Variants in INPP4B observed in about 807,000 individuals in gnomAD.
INPP4B encodes inositol polyphosphate 4-phosphatase type II.
A neutral mutation model predicts 122.5 loss-of-function variants in INPP4B; 55 were observed. That is an observed-to-expected ratio of 0.45 (90% CI 0.36 to 0.56). The LOEUF is 0.56. Ranked by LOEUF, INPP4B falls within the 20% of genes least tolerant of loss-of-function variation. The pLI is 0.00. For missense variants in INPP4B, 1,000 were observed against 1,097.7 expected (o/e 0.91, Z 1.26); for synonymous variants, 403 against 388.7 (o/e 1.04, Z -0.43).
intron 24 of INPP4B, among the ~76,000 whole-genome samples, chr4:142,084,098 A>G (rs1775505233): frequency 1.3e-5 from 2 of 152,122 alleles, no homozygotes; most frequent in Admixed American, 1.3e-4. Flanking sequence ...CTTAAAGAAG[A>G]AAAAAACAAA....
At chr4:142,070,547 T>G (rs1176450755) in intron 25 of INPP4B, among the ~76,000 whole-genome samples, 2 of 152,106 alleles carry the variant, frequency 1.3e-5, no homozygotes, top group East Asian at 1.9e-4. Context: ...AAGTCAAATT[T>G]CCCCTGTTTG....
chr4:142,154,265 T>C (rs1815991425), intron 17 of INPP4B, among the ~76,000 whole-genome samples: 1 of 152,138 alleles, frequency 6.6e-6, no homozygotes, highest in African/African-American at 2.4e-5. Flanking sequence ...CAATTTATAT[T>C]TGCTGGGAAA....
At chr4:142,817,513 T>C (rs1780251582) in intron 1 of INPP4B, among the ~76,000 whole-genome samples, 1 of 152,106 alleles carries the variant, frequency 6.6e-6, no homozygotes, top group Non-Finnish European at 1.5e-5. Context: ...TCTCACACTT[T>C]TAATGGATCC....
intron 1 of INPP4B, among the ~76,000 whole-genome samples, chr4:142,844,905 T>C (rs935437565): frequency 7.2e-5 from 11 of 152,326 alleles, no homozygotes; most frequent in African/African-American, 2.6e-4. Flanking sequence ...TTATCCTCTG[T>C]CTTTAGGCTT....
intron 7 of INPP4B, among the ~76,000 whole-genome samples, chr4:142,374,924 T>A (rs998803343): frequency 6.6e-6 from 1 of 151,922 alleles, no homozygotes; most frequent in Non-Finnish European, 1.5e-5. Flanking sequence ...CAGTGACTTC[T>A]AGTAAAGGTA....
At chr4:142,804,495 TA>T (rs1778427106) in intron 1 of INPP4B, among the ~76,000 whole-genome samples, 1 of 152,170 alleles carries the variant, frequency 6.6e-6, no homozygotes, top group Admixed American at 6.5e-5. Flanking sequence ...GTGTCCCCCT[TA>T]CAGTAAGGCT....
intron 7 of INPP4B, among the ~76,000 whole-genome samples, chr4:142,356,273 A>G (rs1783578092): frequency 3.4e-5 from 5 of 147,850 alleles, no homozygotes; most frequent in Admixed American, 2.8e-4. Flanking sequence ...GAGAGAGGAG[A>G]GCAGTGAGTG....
intron 2 of INPP4B, among the ~76,000 whole-genome samples, chr4:142,688,151 A>C (rs1759641126): frequency 6.6e-6 from 1 of 152,142 alleles, no homozygotes; most frequent in African/African-American, 2.4e-5. Flanking sequence ...TTCTCTTTAT[A>C]ACACTTTCCA....
intron 2 of INPP4B, among the ~76,000 whole-genome samples, chr4:142,624,457 G>T (rs957631349): frequency 5.3e-5 from 8 of 151,688 alleles, no homozygotes; most frequent in East Asian, 1.9e-4. Flanking sequence ...CATTGTAGAT[G>T]CTGGATATTA....
chr4:142,656,740 C>T (rs182283031), intron 2 of INPP4B, among the ~76,000 whole-genome samples: 1 of 152,314 alleles, frequency 6.6e-6, no homozygotes, highest in South Asian at 2.1e-4. Context: ...AATTTTTAAA[C>T]TGCTTTTTTG....
At chr4:142,455,593 T>C (rs1815232076) in intron 3 of INPP4B, among the ~76,000 whole-genome samples, 1 of 152,086 alleles carries the variant, frequency 6.6e-6, no homozygotes, top group African/African-American at 2.4e-5. Flanking sequence ...TTCCAACTAT[T>C]GTGAACAGTG....
At chr4:142,731,342 T>C (rs1766058082) in intron 1 of INPP4B, among the ~76,000 whole-genome samples, 1 of 152,200 alleles carries the variant, frequency 6.6e-6, no homozygotes, top group African/African-American at 2.4e-5. Context: ...TTTCTCTGTG[T>C]CTGACCTCAC....
chr4:142,536,762 C>A (rs1828242931), intron 2 of INPP4B, among the ~76,000 whole-genome samples: 1 of 152,070 alleles, frequency 6.6e-6, no homozygotes, highest in Non-Finnish European at 1.5e-5. Flanking sequence ...TCTAAACGGG[C>A]AGAATCACCA....
At chr4:142,190,511 C>T (rs972360713) in intron 15 of INPP4B, among the ~76,000 whole-genome samples, 3 of 152,144 alleles carry the variant, frequency 2.0e-5, no homozygotes, top group African/African-American at 4.8e-5. Flanking sequence ...CAGTATATTG[C>T]CTCAGCAAGC....
intron 2 of INPP4B, among the ~76,000 whole-genome samples, chr4:142,556,306 C>T (rs1729150420): frequency 6.6e-6 from 1 of 152,324 alleles, no homozygotes; most frequent in Non-Finnish European, 1.5e-5. Flanking sequence ...TGTGTGGGAA[C>T]AACACCACAT....
At chr4:142,620,567 C>A (rs1272207909) in intron 2 of INPP4B, among the ~76,000 whole-genome samples, 1 of 151,860 alleles carries the variant, frequency 6.6e-6, no homozygotes, top group African/African-American at 2.4e-5. Context: ...TGCTTATTAA[C>A]TGGATGATGA....
intron 1 of INPP4B, among the ~76,000 whole-genome samples, chr4:142,753,857 C>T (rs1285224943): frequency 2.0e-5 from 3 of 152,012 alleles, no homozygotes; most frequent in African/African-American, 4.8e-5. Flanking sequence ...ATACTTATTA[C>T]ATGTAATTTT....
At chr4:142,417,289 G>A (rs777211709) in intron 5 of INPP4B, among the ~76,000 whole-genome samples, 3 of 152,080 alleles carry the variant, frequency 2.0e-5, no homozygotes, top group Non-Finnish European at 4.4e-5. Context: ...AGAATATGAT[G>A]CACCTTCCCT....
intron 7 of INPP4B, among the ~76,000 whole-genome samples, chr4:142,391,718 G>C (rs543924031): frequency 2.0e-5 from 3 of 152,260 alleles, no homozygotes; most frequent in South Asian, 4.1e-4. Context: ...TCATAGAAAA[G>C]ATAAAAGAGT....
Sources: allele counts gnomAD v4.1 joint callset (sites outside exome capture counted in the v4.1 genomes callset), GRCh38; gene constraint gnomAD v4.1.1; transcripts MANE v1.5; gene names NCBI Gene and HGNC (gene_info 2026-07-23, HGNC 2026-07-21).